The following ARHGDIG variants were observed in gnomAD, a reference collection of about 807,000 sequenced individuals.
The protein encoded by ARHGDIG is rho GDP-dissociation inhibitor 3.
A neutral mutation model predicts 20.2 loss-of-function variants in ARHGDIG; 14 were observed. The observed-to-expected ratio is 0.69, with a 90% CI of 0.46 to 1.08. ARHGDIG has a LOEUF of 1.08. Among genes scored for constraint, ARHGDIG ranks in the 50% least tolerant of loss-of-function variants. ARHGDIG has a pLI of 0.00. For synonymous variants in ARHGDIG, 193 were observed against 138.6 expected, an observed-to-expected ratio of 1.39 and a Z score of -2.76; for missense variants, 311 against 301.8, an observed-to-expected ratio of 1.03 and a Z score of -0.23.
At chr16:281,992 G>A in intron 2 of ARHGDIG, 33 bp from the exon 3 acceptor site, 1 of 1,606,114 alleles carries the variant, frequency 6.2e-7, no homozygotes, top group Non-Finnish European at 8.5e-7. Flanking sequence ...GTGGGGGTGG[G>A]GGGCATCCTG....
Position 280,859 on chromosome 16 carries a change from C to T in ARHGDIG, c.73+106C>T, listed in dbSNP as rs947307612. The T allele has an allele frequency of 3.1e-6, 2 of 641,752 alleles. No individual in the cohort carries two copies. Among genetic ancestry groups the T allele is most frequent in the African/African-American group, 2.0e-5 (1 of 50,448 alleles). 39.8% of individuals were successfully genotyped at this position (641,752 alleles called of 1,614,324 possible). ...GGGGGCGCGCATGGGGACCTCGCGGCGCCGACCCCCCGGCTGGGGTCTGGC... is the reference window on the plus strand; with the variant it reads ...GGGGGCGCGCATGGGGACCTCGCGGTGCCGACCCCCCGGCTGGGGTCTGGC... On this transcript the variant is annotated intron_variant, in intron 1 of 5. Transcript: ENST00000219409. The surrounding 1 kb of genome is among the most constrained non-coding windows in gnomAD (Gnocchi z 6.6).
rs2052300477 is a variant in ARHGDIG, at chr16:282,660, A to G, written c.524A>G (p.Gln175Arg). 6 of 1,600,726 alleles carry G rather than the reference A, an allele frequency of 3.7e-6. No individual in the cohort carries two copies. The highest frequency in any genetic ancestry group is 2.2e-5 in the East Asian group (1 of 44,602). Residue 175 changes from glutamine to arginine, a missense_variant, in exon 6 of 6, where the codon CAG becomes CGG. Coordinates refer to ENST00000219409, the MANE Select transcript of ARHGDIG (RefSeq NM_001176.4). The stretch of plus-strand genomic sequence containing the variant: ...GTGGGCAGCTATGGCCCGAGCGCCC[A>G]GGAGTATGAGTTTGTGACTCCGGTG... ...YMVGSYGPSA[Q>R]EYEFVTPVEE...
Position 282,119 on chromosome 16 carries a change from G to A in ARHGDIG, c.337+11G>A. 6.2e-7 allele frequency: 1 copy of A among 1,612,872 alleles called. No homozygotes were observed. Among genetic ancestry groups the A allele is most frequent in the Non-Finnish European group, 8.5e-7 (1 of 1,179,938 alleles). On this transcript the variant is annotated intron_variant, in intron 3 of 5. Transcript: ENST00000219409. ...TCATGGATCTCACAGGTAACTCGCAGGATGCTGCACCCTGAACACAGGTAG... is the reference window on the plus strand; with the variant it reads ...TCATGGATCTCACAGGTAACTCGCAAGATGCTGCACCCTGAACACAGGTAG...
intron 3 of ARHGDIG, 27 bp from the exon 4 acceptor site, chr16:282,270 C>A (rs200937476): frequency 1.2e-6 from 2 of 1,612,934 alleles, no homozygotes; most frequent in Non-Finnish European, 1.7e-6. Context: ...AGGGGAGTTC[C>A]GACCCTAGCT....
chr16:282,679 T>G lies in ARHGDIG; in HGVS notation c.543T>G (p.Thr181=), dbSNP rs936722932. 41 of 1,601,714 alleles carry G rather than the reference T, an allele frequency of 2.6e-5. No homozygotes were observed. The highest frequency in any genetic ancestry group is 3.2e-5 in the Non-Finnish European group (38 of 1,174,044). The stretch of plus-strand genomic sequence containing the variant: ...GCGCCCAGGAGTATGAGTTTGTGAC[T>G]CCGGTGGAGGAAGCGCCGAGGGGTG... The part of the protein sequence containing the change: ...GPSAQEYEFV[T]PVEEAPRGAL... The change falls in exon 6 of 6, where the codon ACT becomes ACG. Residue 181 remains threonine, a synonymous_variant. Transcript: ENST00000219409.
In ARHGDIG at chr16:280,839, C is replaced by T. The variant is rs1224715489; in HGVS notation, c.73+86C>T. ...CCCTCCCCCGCGGCAACTTTGGGGG[C>T]GCGCATGGGGACCTCGCGGCGCCGA... is the stretch of plus-strand genomic sequence containing the variant. On this transcript the variant is annotated intron_variant, in intron 1 of 5. Transcript: ENST00000219409. The surrounding 1 kb of genome is among the most constrained non-coding windows in gnomAD (Gnocchi z 6.6). The T allele has an allele frequency of 7.7e-6, 7 of 904,990 alleles. No homozygotes were observed. Among genetic ancestry groups the T allele is most frequent in the African/African-American group, 7.2e-5 (4 of 55,666 alleles). The allele number at this position is 904,990 out of a possible 1,614,324, so 56.1% of individuals were successfully genotyped here. A position where few individuals can be genotyped will look rare whatever the true frequency, so the allele number is the denominator to read the frequency against.
chr16:282,454 CCT>C lies in ARHGDIG; in HGVS notation c.415-10_415-9del, dbSNP rs1567248133. On this transcript the variant is annotated splice_polypyrimidine_tract_variant and intron_variant, in intron 4 of 5. Coordinates refer to ENST00000219409, the MANE Select transcript of ARHGDIG (RefSeq NM_001176.4). ...CTGGCCCCCAGAGGAACCCCTAATG[CCT>C]CTGTTCCCAGGTCCACAGGGAGATT... 6.2e-7 allele frequency: 1 copy of C among 1,611,988 alleles called. No individual in the cohort carries two copies. The highest frequency in any genetic ancestry group is 1.1e-5 in the South Asian group (1 of 91,060).
At position 282,881 on chromosome 16, in the gene ARHGDIG, C is replaced by T; in HGVS notation, c.*67C>T. ...CAGGGACCCCCAAGCATCCCCAGCA[C>T]CCCCCGTGAGTGACCAGACCCTCCC... On this transcript the variant is annotated 3_prime_UTR_variant, in exon 6 of 6. Coordinates refer to ENST00000219409, the MANE Select transcript of ARHGDIG (RefSeq NM_001176.4). 2 of 1,463,076 alleles carry T rather than the reference C, an allele frequency of 1.4e-6. No homozygotes were observed. The highest frequency in any genetic ancestry group is 1.3e-5 in the South Asian group (1 of 75,824). 90.6% of individuals were successfully genotyped at this position (1,463,076 alleles called of 1,614,324 possible). A position where few individuals can be genotyped will look rare whatever the true frequency, so the allele number is the denominator to read the frequency against.
At chr16:281,707 C>A (rs1163182065) in intron 1 of ARHGDIG, 39 bp from the exon 2 acceptor site, 1 of 1,522,050 alleles carries the variant, frequency 6.6e-7, no homozygotes. Flanking sequence ...ATGCCAGGGT[C>A]CGCTAGTGGC....
chr16:281,279 G>A (rs440984), intron 1 of ARHGDIG: 69,732 of 159,520 alleles, frequency 0.44, 19,610 homozygotes, highest in African/African-American at 0.81. Context: ...CCAGAGCAGG[G>A]TGGTGGAGGG....
At chr16:282,129 C>A (rs1486185072) in intron 3 of ARHGDIG, 21 bp downstream of exon 3, 5 of 1,612,474 alleles carry the variant, frequency 3.1e-6, no homozygotes, top group Non-Finnish European at 4.2e-6. Context: ...GGATGCTGCA[C>A]CCTGAACACA....
intron 5 of ARHGDIG, 28 bp downstream of exon 5, chr16:282,558 C>CGGGGGGGGGGAAAGGGGG: frequency 1.5e-6 from 2 of 1,310,076 alleles, no homozygotes; most frequent in East Asian, 3.0e-5. Flanking sequence ...GGGAACGGGG[C>CGGGGGGGGGGAAAGGGGG]GGGGGGGGGA....
Position 280,637 on chromosome 16 carries a change from G to T in ARHGDIG, c.-44G>T. The T allele has an allele frequency of 2.3e-6, 2 of 882,370 alleles. No individual in the cohort carries two copies. The highest frequency in any genetic ancestry group is 1.3e-6 in the Non-Finnish European group (1 of 754,708). The allele number at this position is 882,370 out of a possible 1,614,324, so 54.7% of individuals were successfully genotyped here. A position where few individuals can be genotyped will look rare whatever the true frequency, so the allele number is the denominator to read the frequency against. The stretch of plus-strand genomic sequence containing the variant: ...CGAGCGGGGCGGCGGCGGGGCGGGC[G>T]GCGGCTCCTCGGCGGCTCCGCGGCG... On this transcript the variant is annotated 5_prime_UTR_variant, in exon 1 of 6. Transcript: ENST00000219409. The surrounding 1 kb of genome is among the most constrained non-coding windows in gnomAD (Gnocchi z 6.6).
rs769539283 is a variant in ARHGDIG, at chr16:282,560, G to C, written c.478+30G>C. The C allele has an allele frequency of 9.3e-5, 129 of 1,382,054 alleles. 1 individual carries two copies. Among genetic ancestry groups the C allele is most frequent in the Middle Eastern group, 4.7e-4 (2 of 4,224 alleles). 85.6% of individuals were successfully genotyped at this position (1,382,054 alleles called of 1,614,324 possible). A position where few individuals can be genotyped will look rare whatever the true frequency, so the allele number is the denominator to read the frequency against. On this transcript the variant is annotated intron_variant, in intron 5 of 5. Coordinates refer to ENST00000219409, the MANE Select transcript of ARHGDIG (RefSeq NM_001176.4). ...GGGCAGCGGTGGGGGGAACGGGGCG[G>C]GGGGGGGAAGCGGGGGCAGACAGAG...
chr16:281,173 A>C (rs1021396777), intron 1 of ARHGDIG: 1 of 153,798 alleles, frequency 6.5e-6, no homozygotes, highest in Non-Finnish European at 1.4e-5. Context: ...GGCGGCGCAG[A>C]GCCTGAGCCC....
At chr16:281,623 C>A in intron 1 of ARHGDIG, 123 bp from the exon 2 acceptor site, 12 of 1,201,144 alleles carry the variant, frequency 1.0e-5, no homozygotes, top group Non-Finnish European at 1.4e-5. Context: ...CCTGAGCCCC[C>A]AGAGGCTTCC....
At position 282,321 on chromosome 16, in the gene ARHGDIG, A is replaced by G; in HGVS notation, c.362A>G (p.Gln121Arg). 1 of 1,595,934 alleles carries G rather than the reference A, an allele frequency of 6.3e-7. No individual in the cohort carries two copies. Among genetic ancestry groups the G allele is most frequent in the Non-Finnish European group, 8.6e-7 (1 of 1,169,534 alleles). ...GGGGACCTGGCTGTTCTGAAGGACC[A>G]GGTGTTTGTCCTGAAGGAAGGTGTT... ...LTGDLAVLKD[Q>R]VFVLKEGVDY... Residue 121 changes from glutamine (Q) to arginine (R), a missense_variant, in exon 4 of 6, where the codon CAG becomes CGG. Physicochemically the swap from Gln to Arg is conservative, Grantham distance 43. Coordinates refer to ENST00000219409, the MANE Select transcript of ARHGDIG (RefSeq NM_001176.4).
chr16:282,257 T>G (rs1263636815), intron 3 of ARHGDIG, 40 bp from the exon 4 acceptor site: 15 of 1,611,328 alleles, frequency 9.3e-6, no homozygotes, highest in Non-Finnish European at 1.2e-5. Flanking sequence ...GGTCTCAGCC[T>G]GTAGGGGAGT....
rs1567247608 is a variant in ARHGDIG, at chr16:281,585, C to G, written c.74-161C>G. The G allele has an allele frequency of 1.0e-5, 9 of 860,470 alleles. No homozygotes were observed. The East Asian group carries it at 2.4e-4, about 23-fold the overall frequency. The allele number at this position is 860,470 out of a possible 1,614,324, so 53.3% of individuals were successfully genotyped here. ...GGGTGCGGTGCGGCACCTCCCCAGG[C>G]CGCCCTGCTCTCTCTGCTCGCTCTC... On this transcript the variant is annotated intron_variant, in intron 1 of 5. Coordinates refer to ENST00000219409, the MANE Select transcript of ARHGDIG (RefSeq NM_001176.4).
Sources: allele counts gnomAD v4.1 joint callset, GRCh38; gene constraint gnomAD v4.1.1; non-coding constraint Gnocchi (gnomAD v3.1); transcripts MANE v1.5; gene names NCBI Gene and HGNC (gene_info 2026-07-23, HGNC 2026-07-21).